COLEC12: variants seen among roughly 807,000 people sequenced by gnomAD.
COLEC12 encodes collectin subfamily member 12.
COLEC12 carries 33 observed loss-of-function variants against 71.1 expected under a neutral mutation model. The observed-to-expected ratio is 0.46, with a 90% CI of 0.35 to 0.62. The LOEUF (loss-of-function observed/expected upper bound fraction) is 0.62. COLEC12 is among the 20% of genes least tolerant of loss of function. The pLI is 0.00. For synonymous variants in COLEC12, 350 were observed against 353.0 expected (o/e 0.99, Z 0.10); for missense variants, 765 against 916.1 (o/e 0.84, Z 2.13).
chr18:346,458 G>C lies in COLEC12; in HGVS notation c.1164C>G (p.Thr388=). The change falls in exon 5 of 10, where the codon ACC becomes ACG. Residue 388 remains threonine (T), a synonymous_variant. Transcript: ENST00000400256. The surrounding 1 kb of genome is among the most constrained non-coding windows in gnomAD (Gnocchi z 4.0). ...HTDDLTSLNN[T]LANIRLDSVS... ...CAGAATCCAAACGGATGTTGGCCAG[G>C]GTATTATTCAAGGAGGTCAGATCAT... The C allele has an allele frequency of 6.2e-7, 1 of 1,614,104 alleles. No homozygotes were observed. The highest frequency in any genetic ancestry group is 2.2e-5 in the East Asian group (1 of 44,874).
rs549403513 is a variant in COLEC12, at chr18:358,765, T to C, written c.59-1243A>G. Among the ~76,000 whole-genome samples the C allele has an allele frequency of 1.1e-3, 165 of 152,330 alleles. 1 individual carries two copies. Among genetic ancestry groups the C allele is most frequent in the Non-Finnish European group, 1.6e-3 (109 of 68,022 alleles). On this transcript the variant is annotated intron_variant, in intron 2 of 9. Transcript: ENST00000400256. ...CACACCTAGGCTACATGGTATGGCCTGTTGCTCCTAGGCTCAAACCTGTAC... is the reference window on the plus strand; with the variant it reads ...CACACCTAGGCTACATGGTATGGCCCGTTGCTCCTAGGCTCAAACCTGTAC...
chr18:360,961 C>A (rs1345264291), intron 2 of COLEC12, among the ~76,000 whole-genome samples: 1 of 152,128 alleles, frequency 6.6e-6, no homozygotes, highest in Non-Finnish European at 1.5e-5. Context: ...CCTGCCAAAC[C>A]AGATCTCCAA....
At chr18:473,391 T>C (rs112465328) in intron 2 of COLEC12, among the ~76,000 whole-genome samples, 2,241 of 152,260 alleles carry the variant, frequency 0.015, 64 homozygotes, top group African/African-American at 0.051. Context: ...GAAACGGAGT[T>C]TCGCTCTGTT....
chr18:343,806 A>G (rs1598331987), intron 5 of COLEC12, among the ~76,000 whole-genome samples: 2 of 152,334 alleles, frequency 1.3e-5, no homozygotes, highest in East Asian at 3.9e-4. Flanking sequence ...TTCCTCGTCT[A>G]TAAACTGGCG....
chr18:411,536 T>C (rs1025599964), intron 2 of COLEC12, among the ~76,000 whole-genome samples: 2 of 152,130 alleles, frequency 1.3e-5, no homozygotes, highest in African/African-American at 2.4e-5. Context: ...AAGAAATAGA[T>C]GACCTAAAGA....
rs754546205 is a variant in COLEC12 at position 333,082 on chromosome 18, T to C, written c.1878A>G (p.Glu626=). ...DKCYYFSVEK[E]IFEDAKLFCE... Reference sequence around the variant, plus strand: ...AGAAAAGCTTTGCATCCTCAAAAATTTCTTTCTCAACTGAAAAATAGTAGC... The same window carrying C: ...AGAAAAGCTTTGCATCCTCAAAAATCTCTTTCTCAACTGAAAAATAGTAGC... The change falls in exon 7 of 10, where the codon GAA becomes GAG. Residue 626 remains glutamate, a synonymous_variant. Transcript: ENST00000400256. 2 of 1,612,446 alleles carry C rather than the reference T, an allele frequency of 1.2e-6. No individual in the cohort carries two copies. The highest frequency in any genetic ancestry group is 2.2e-5 in the South Asian group (2 of 90,692).
chr18:342,801 T>C (rs918784193), intron 5 of COLEC12, among the ~76,000 whole-genome samples: 1 of 152,222 alleles, frequency 6.6e-6, no homozygotes, highest in African/African-American at 2.4e-5. Context: ...GAAAGTGCAG[T>C]GAACAACAAG....
chr18:402,562 C>T (rs1404540541), intron 2 of COLEC12, among the ~76,000 whole-genome samples: 3 of 152,062 alleles, frequency 2.0e-5, no homozygotes, highest in Admixed American at 6.5e-5. Context: ...GAGGTGGGGA[C>T]GTCTCTTGGC....
chr18:460,628 C>T (rs1028530076), intron 2 of COLEC12, among the ~76,000 whole-genome samples: 2 of 152,160 alleles, frequency 1.3e-5, no homozygotes, highest in African/African-American at 4.8e-5. Context: ...TTCCTGACAA[C>T]CTCAACATTG....
At chr18:462,446 T>C (rs545733419) in intron 2 of COLEC12, among the ~76,000 whole-genome samples, 58 of 152,278 alleles carry the variant, frequency 3.8e-4, no homozygotes, top group African/African-American at 1.4e-3. Flanking sequence ...TCCAGTGATA[T>C]GAAACGTTCA....
Position 335,225 on chromosome 18 carries a change from G to GT in COLEC12, c.1332dup (p.Pro445ThrfsTer9). The stretch of plus-strand genomic sequence containing the variant: ...TCACCTCTTGGACCCCTGGGGCCCG[G>GT]TGGACCTAAAGCATAAAAGAAAAAG... On this transcript the variant is annotated frameshift_variant, in exon 6 of 10. Coordinates refer to ENST00000400256, the MANE Select transcript of COLEC12 (RefSeq NM_130386.3). LOFTEE classifies it high-confidence loss of function. The GT allele has an allele frequency of 6.3e-7, 1 of 1,588,648 alleles. No individual in the cohort carries two copies. Among genetic ancestry groups the GT allele is most frequent in the Non-Finnish European group, 8.5e-7 (1 of 1,172,980 alleles).
intron 2 of COLEC12, among the ~76,000 whole-genome samples, chr18:472,275 A>T (rs961275623): frequency 2.6e-5 from 4 of 152,244 alleles, no homozygotes; most frequent in African/African-American, 9.6e-5. Context: ...ATGACAGGTC[A>T]GCTCTCCATG....
Position 319,609 on chromosome 18 carries a change from A to C in COLEC12, c.*436T>G, listed in dbSNP as rs1217293892. On this transcript the variant is annotated 3_prime_UTR_variant, in exon 10 of 10. Transcript: ENST00000400256. ...TTAAGTATATTTCATATTATTACTA[A>C]TAGTTGGCCTATATATCTGTATGTC... The C allele has an allele frequency of 1.3e-5, 2 of 155,018 alleles. No homozygotes were observed. The highest frequency in any genetic ancestry group is 4.8e-5 in the African/African-American group (2 of 41,512). The allele number at this position is 155,018 out of a possible 1,614,324, so 9.6% of individuals were successfully genotyped here.
chr18:324,050 C>T (rs772404287), intron 8 of COLEC12, among the ~76,000 whole-genome samples: 17 of 152,016 alleles, frequency 1.1e-4, no homozygotes, highest in African/African-American at 2.2e-4. Context: ...TGGCCATAAG[C>T]GGAGGTGACT....
chr18:443,281 G>C (rs2621193), intron 2 of COLEC12, among the ~76,000 whole-genome samples: 67,093 of 152,094 alleles, frequency 0.44, 15,927 homozygotes, highest in South Asian at 0.55. Flanking sequence ...GGTATTTTCA[G>C]ATTGGAGTTA....
intron 2 of COLEC12, among the ~76,000 whole-genome samples, chr18:357,846 A>G (rs1914661402): frequency 6.6e-6 from 1 of 152,208 alleles, no homozygotes; most frequent in Non-Finnish European, 1.5e-5. Context: ...AACATCCTGG[A>G]GCAGGGATCC....
At chr18:325,826 G>A (rs1441427974) in intron 8 of COLEC12, among the ~76,000 whole-genome samples, 1 of 151,908 alleles carries the variant, frequency 6.6e-6, no homozygotes, top group Non-Finnish European at 1.5e-5. Flanking sequence ...AGCACACCCA[G>A]CTAATTTTTA....
intron 2 of COLEC12, among the ~76,000 whole-genome samples, chr18:386,957 T>C (rs894621534): frequency 2.0e-5 from 3 of 152,180 alleles, no homozygotes; most frequent in Non-Finnish European, 4.4e-5. Flanking sequence ...TGAGGAGTTT[T>C]GTTACAGAAA....
At position 347,209 on chromosome 18, in the gene COLEC12, T is replaced by C. The variant is rs771621899; in HGVS notation, c.413A>G (p.Lys138Arg). 2 of 1,614,214 alleles carry C rather than the reference T, an allele frequency of 1.2e-6. No individual in the cohort carries two copies. The highest frequency in any genetic ancestry group is 1.7e-6 in the Non-Finnish European group (2 of 1,180,036). ...CAGAGCATCCCCGCTCGCCTGTAACTTCTCCAGCGTATCCTTGTTCTTGCT... is the reference window on the plus strand; with the variant it reads ...CAGAGCATCCCCGCTCGCCTGTAACCTCTCCAGCGTATCCTTGTTCTTGCT... ...KTSKNKDTLE[K>R]LQASGDALVD... Residue 138 changes from lysine (K) to arginine (R), a missense_variant, in exon 5 of 10, where the codon AAG becomes AGG. Physicochemically the swap from Lys to Arg is conservative, Grantham distance 26. Coordinates refer to ENST00000400256, the MANE Select transcript of COLEC12 (RefSeq NM_130386.3).
Sources: gnomAD v4.1 joint callset for allele counts (sites outside exome capture counted in the v4.1 genomes callset) on GRCh38, gnomAD v4.1.1 for gene constraint, Gnocchi (gnomAD v3.1) non-coding constraint, MANE v1.5 for transcripts, NCBI Gene and HGNC (gene_info 2026-07-23, HGNC 2026-07-21) for gene names.